CACNA1C: variants seen among roughly 807,000 people sequenced by gnomAD.
CACNA1C encodes the protein calcium voltage-gated channel subunit alpha1 C.
CACNA1C carries 30 observed loss-of-function variants against 229.0 expected under a neutral mutation model. The observed-to-expected ratio is 0.13, with a 90% CI of 0.10 to 0.18. The LOEUF is 0.18. CACNA1C is among the 10% of genes least tolerant of loss of function. The pLI is 1.00. For missense variants in CACNA1C, 1,658 were observed against 2,845.0 expected (o/e 0.58, Z 9.49); for synonymous variants, 1,114 against 1,132.5 (o/e 0.98, Z 0.33).
Position 2,531,049 on chromosome 12 carries a change from C to T in CACNA1C, c.1390+18065C>T, listed in dbSNP as rs189089305. Among the ~76,000 whole-genome samples the T allele has an allele frequency of 1.7e-3, 263 of 152,370 alleles. 1 individual carries two copies. The highest frequency in any genetic ancestry group is 6.3e-3 in the African/African-American group (260 of 41,588). On this transcript the variant is annotated intron_variant, in intron 9 of 46. Transcript: ENST00000399655. ...ATGCCCAGTGTCCAGGCATCCTACA[C>T]ACTCAGAGCTCTAATACTGAATATT... is the stretch of plus-strand genomic sequence containing the variant.
intron 3 of CACNA1C, among the ~76,000 whole-genome samples, chr12:2,155,620 TC>T (rs2095515086): frequency 6.6e-6 from 1 of 152,180 alleles, no homozygotes. Flanking sequence ...GGGCTGTGTC[TC>T]ACTTAAAAGT....
chr12:2,014,129 T>C (rs565861460), intron 1 of CACNA1C, among the ~76,000 whole-genome samples: 1 of 152,310 alleles, frequency 6.6e-6, no homozygotes, highest in Admixed American at 6.5e-5. Flanking sequence ...CCCGTGTTAT[T>C]AACAGGGCTG....
At chr12:2,243,209 G>A (rs927088045) in intron 3 of CACNA1C, among the ~76,000 whole-genome samples, 1 of 152,176 alleles carries the variant, frequency 6.6e-6, no homozygotes, top group Non-Finnish European at 1.5e-5. Context: ...GAGCTCTGAC[G>A]ATTTGATATG....
chr12:2,038,146 A>G (rs1246144102), intron 1 of CACNA1C, among the ~76,000 whole-genome samples: 1 of 152,236 alleles, frequency 6.6e-6, no homozygotes, highest in Admixed American at 6.5e-5. Flanking sequence ...TACTGGAGAA[A>G]AGAGACATGA....
intron 3 of CACNA1C, among the ~76,000 whole-genome samples, chr12:2,200,559 G>T (rs753612465): frequency 1.3e-5 from 2 of 152,176 alleles, no homozygotes; most frequent in Non-Finnish European, 2.9e-5. Flanking sequence ...GAGAAACCTT[G>T]TTCTGGAGTC....
intron 3 of CACNA1C, among the ~76,000 whole-genome samples, chr12:2,320,059 C>T (rs1456437710): frequency 6.6e-6 from 1 of 152,186 alleles, no homozygotes; most frequent in East Asian, 1.9e-4. Flanking sequence ...AGGGCCACGT[C>T]CCTGGCCTCT....
chr12:2,624,882 G>A lies in CACNA1C; in HGVS notation c.3829-9415G>A, dbSNP rs112809727. On this transcript the variant is annotated intron_variant, in intron 29 of 46. Coordinates refer to ENST00000399655, the MANE Select transcript of CACNA1C (RefSeq NM_000719.7). The stretch of plus-strand genomic sequence containing the variant: ...CATTAAAAGGAGTAGAAAAGGGACC[G>A]GGAAAGAAGGGCAGCAGCTGCGGAT... 3.2e-3 allele frequency among the ~76,000 whole-genome samples: 495 copies of A among 152,338 alleles called. 2 individuals carry two copies. Among genetic ancestry groups the A allele is most frequent in the African/African-American group, 0.011 (444 of 41,570 alleles).
In CACNA1C at chr12:2,601,571, C is replaced by A. The variant is rs1419796692; in HGVS notation, c.2854-283C>A. 6.6e-6 allele frequency among the ~76,000 whole-genome samples: 1 copy of A among 152,164 alleles called. No individual in the cohort carries two copies. The highest frequency in any genetic ancestry group is 1.5e-5 in the Non-Finnish European group (1 of 68,036). ...GCGAAATTAGAGTGGGATGGTGGGG[C>A]CCACTTGAAAGGGCTTTGAATGGAG... On this transcript the variant is annotated intron_variant, in intron 21 of 46. Coordinates refer to ENST00000399655, the MANE Select transcript of CACNA1C (RefSeq NM_000719.7). The surrounding 1 kb of genome is among the most constrained non-coding windows in gnomAD (Gnocchi z 5.9).
intron 3 of CACNA1C, among the ~76,000 whole-genome samples, chr12:2,208,067 G>A (rs2097803554): frequency 6.6e-6 from 1 of 152,200 alleles, no homozygotes; most frequent in East Asian, 1.9e-4. Flanking sequence ...CAGGGCTGGA[G>A]AGGATGGGTA....
chr12:2,043,920 G>A (rs964987492), intron 1 of CACNA1C, among the ~76,000 whole-genome samples: 1 of 151,988 alleles, frequency 6.6e-6, no homozygotes, highest in Non-Finnish European at 1.5e-5. Context: ...CTCCCAAAGT[G>A]CTGGGATTAC....
At chr12:2,089,595 C>A (rs933988284) in intron 1 of CACNA1C, among the ~76,000 whole-genome samples, 1 of 152,084 alleles carries the variant, frequency 6.6e-6, no homozygotes, top group Non-Finnish European at 1.5e-5. Context: ...TGTTATGTAC[C>A]CAGAGACTTG....
intron 10 of CACNA1C, 105 bp from the exon 11 acceptor site, chr12:2,556,846 A>G (rs2044579320): frequency 7.8e-6 from 7 of 900,252 alleles, no homozygotes; most frequent in Non-Finnish European, 1.3e-5. Flanking sequence ...TCCAGCACCC[A>G]CACGAAATTA....
intron 18 of CACNA1C, among the ~76,000 whole-genome samples, chr12:2,590,193 A>G (rs1468289145): frequency 1.3e-5 from 2 of 152,242 alleles, no homozygotes; most frequent in East Asian, 1.9e-4. Flanking sequence ...GAGCAAAATC[A>G]CAGAAGTGAG....
In CACNA1C at chr12:2,382,247, C is replaced by T. The variant is rs561724787; in HGVS notation, c.478-66729C>T. Among the ~76,000 whole-genome samples the T allele has an allele frequency of 8.5e-5, 13 of 152,336 alleles. No individual in the cohort carries two copies. In the South Asian group the frequency reaches 1.0e-3, roughly 12 times the overall value. The stretch of plus-strand genomic sequence containing the variant: ...AGAAACCATGGATATTTTCTTATCA[C>T]GTTAAGATGGTTGCAAATATCTCAA... On this transcript the variant is annotated intron_variant, in intron 3 of 46. Transcript: ENST00000399655.
At chr12:2,644,846 C>T (rs1285734051) in intron 30 of CACNA1C, among the ~76,000 whole-genome samples, 2 of 152,208 alleles carry the variant, frequency 1.3e-5, no homozygotes, top group Non-Finnish European at 2.9e-5. Context: ...CCACTCCCCT[C>T]CTCACTGCCA....
Position 2,488,392 on chromosome 12 carries a change from C to T in CACNA1C, c.916+2130C>T, listed in dbSNP as rs1056498813. On this transcript the variant is annotated intron_variant, in intron 6 of 46. Coordinates refer to ENST00000399655, the MANE Select transcript of CACNA1C (RefSeq NM_000719.7). The surrounding 1 kb of genome is among the most constrained non-coding windows in gnomAD (Gnocchi z 4.0). ...ACGGGGAGGGAGCCGTCCTGAAGGC[C>T]ATAGCCGTAGGGCCCAGTGAAGAGG... Among the ~76,000 whole-genome samples, 1 of 152,180 alleles carries T rather than the reference C, an allele frequency of 6.6e-6. No homozygotes were observed. The highest frequency in any genetic ancestry group is 1.5e-5 in the Non-Finnish European group (1 of 68,028).
chr12:2,392,206 A>G (rs2098494760), intron 3 of CACNA1C, among the ~76,000 whole-genome samples: 1 of 152,222 alleles, frequency 6.6e-6, no homozygotes, highest in Non-Finnish European at 1.5e-5. Flanking sequence ...CCATGTTGTT[A>G]AACATAAGAG....
At chr12:2,025,725 A>G (rs1055573691) in intron 1 of CACNA1C, among the ~76,000 whole-genome samples, 1 of 152,030 alleles carries the variant, frequency 6.6e-6, no homozygotes, top group Admixed American at 6.6e-5. Flanking sequence ...TACCTTGTCA[A>G]TTCTCCCCAA....
chr12:2,375,674 G>T (rs894436571), intron 3 of CACNA1C, among the ~76,000 whole-genome samples: 4 of 152,206 alleles, frequency 2.6e-5, no homozygotes, highest in African/African-American at 9.7e-5. Flanking sequence ...CCCTAAGGAT[G>T]CTTATTATTG....
Sources: allele counts gnomAD v4.1 joint callset (sites outside exome capture counted in the v4.1 genomes callset), GRCh38; gene constraint gnomAD v4.1.1; non-coding constraint Gnocchi (gnomAD v3.1); transcripts MANE v1.5; gene names NCBI Gene and HGNC (gene_info 2026-07-23, HGNC 2026-07-21).